Variants in STIM1 observed in about 807,000 individuals in gnomAD.
STIM1 encodes stromal interaction molecule 1.
In STIM1, 25 loss-of-function variants were observed where a neutral mutation model predicts 74.7. That is an observed-to-expected ratio of 0.33 (90% confidence interval 0.24 to 0.47). The LOEUF (loss-of-function observed/expected upper bound fraction) is 0.47, where lower values mean the gene tolerates loss of function less well. Ranked by LOEUF, STIM1 falls within the 20% of genes least tolerant of loss-of-function variation. The probability of loss-of-function intolerance (pLI) is 1.00; values close to 1 mark genes in which losing one functional copy is unlikely to be tolerated. For synonymous variants in STIM1, 328 were observed against 348.8 expected, an observed-to-expected ratio of 0.94 and a Z score of 0.66; for missense variants, 728 against 920.8, an observed-to-expected ratio of 0.79 and a Z score of 2.71.
At chr11:3,955,316 A>T (rs1468160828) in intron 1 of STIM1, among the ~76,000 whole-genome samples, 1 of 152,196 alleles carries the variant, frequency 6.6e-6, no homozygotes, top group Non-Finnish European at 1.5e-5. Context: ...ACAGGGATGT[A>T]TGTTTGTCCA....
chr11:4,084,555 A>T, intron 10 of STIM1, 118 bp from the exon 11 acceptor site: 1 of 718,386 alleles, frequency 1.4e-6, no homozygotes, highest in Non-Finnish European at 2.1e-6. Context: ...GAGGGACCTT[A>T]ATTAGCTCTG....
At chr11:3,866,381 C>T (rs942364514) in intron 1 of STIM1, among the ~76,000 whole-genome samples, 2 of 151,658 alleles carry the variant, frequency 1.3e-5, no homozygotes, top group African/African-American at 4.8e-5. Flanking sequence ...GCAGTGCTCT[C>T]TGTGCACTTC....
intron 7 of STIM1, 140 bp from the exon 8 acceptor site, chr11:4,082,044 A>T: frequency 1.0e-6 from 1 of 964,858 alleles, no homozygotes; most frequent in African/African-American, 1.6e-5. Flanking sequence ...TCTATATAAA[A>T]TACGGAAAAT....
intron 10 of STIM1, 156 bp downstream of exon 10, chr11:4,083,654 T>A: frequency 1.4e-6 from 1 of 720,994 alleles, no homozygotes; most frequent in Non-Finnish European, 2.4e-6. Context: ...TTACTCAGGT[T>A]ATTTCTTTAT....
chr11:3,993,527 A>G (rs951191738), intron 2 of STIM1, among the ~76,000 whole-genome samples: 1 of 152,118 alleles, frequency 6.6e-6, no homozygotes, highest in Non-Finnish European at 1.5e-5. Flanking sequence ...GTGGTGGCAT[A>G]TGCCTGTAAT....
intron 3 of STIM1, chr11:4,049,498 T>A (rs1441765568): frequency 6.6e-6 from 1 of 151,794 alleles, no homozygotes; most frequent in Admixed American, 6.6e-5. Context: ...CTAATTTTTT[T>A]TTTTATTTTT....
At chr11:4,058,051 T>G (rs2094304615) in intron 4 of STIM1, among the ~76,000 whole-genome samples, 1 of 152,180 alleles carries the variant, frequency 6.6e-6, no homozygotes, top group Non-Finnish European at 1.5e-5. Flanking sequence ...AGCATTCCAG[T>G]TCATAGGTTT....
intron 5 of STIM1, among the ~76,000 whole-genome samples, chr11:4,062,776 C>G (rs986911021): frequency 2.6e-5 from 4 of 151,986 alleles, no homozygotes; most frequent in Non-Finnish European, 4.4e-5. Context: ...TTTTTACCCA[C>G]TAGGATATAA....
At position 4,005,470 on chromosome 11, in the gene STIM1, T is replaced by C. The variant is rs528998943; in HGVS notation, c.271-18403T>C. On this transcript the variant is annotated intron_variant, in intron 2 of 12. Coordinates refer to ENST00000526596, the MANE Select transcript of STIM1 (RefSeq NM_001382567.1). ...TTGGAAATCATCATTCTCAGTAAAC[T>C]ATCGCAAGGACAAAAAACCAAACAC... Among the ~76,000 whole-genome samples the C allele has an allele frequency of 2.0e-5, 3 of 150,756 alleles. 1 individual carries two copies. In the South Asian group the frequency reaches 6.3e-4, roughly 31 times the overall value.
intron 2 of STIM1, among the ~76,000 whole-genome samples, chr11:3,978,340 G>A (rs1210668925): frequency 1.3e-5 from 2 of 150,914 alleles, no homozygotes; most frequent in African/African-American, 4.9e-5. Flanking sequence ...TAGAGACGGG[G>A]TTTCTCCATG....
At chr11:4,083,107 C>T (rs897792567) in intron 9 of STIM1, 125 bp downstream of exon 9, 41 of 1,178,828 alleles carry the variant, frequency 3.5e-5, no homozygotes, top group Non-Finnish European at 5.0e-5. Context: ...TCTCCTGCCT[C>T]AGCCTTTATT....
At chr11:3,938,138 A>G (rs192056961) in intron 1 of STIM1, among the ~76,000 whole-genome samples, 66 of 152,164 alleles carry the variant, frequency 4.3e-4, no homozygotes, top group Non-Finnish European at 7.5e-4. Context: ...GGGTTTTGCC[A>G]TGTTGGTCAG....
At chr11:3,934,319 G>A (rs1034241845) in intron 1 of STIM1, among the ~76,000 whole-genome samples, 5 of 151,946 alleles carry the variant, frequency 3.3e-5, no homozygotes, top group African/African-American at 1.2e-4. Context: ...CCCATCTTGT[G>A]TTCCAACTCT....
At chr11:3,976,945 G>C (rs59984032) in intron 2 of STIM1, among the ~76,000 whole-genome samples, 3,872 of 152,136 alleles carry the variant, frequency 0.025, 142 homozygotes, top group African/African-American at 0.083. Flanking sequence ...CAGGCGCGTA[G>C]TGCCACACCC....
At chr11:3,883,811 A>T (rs577798251) in intron 1 of STIM1, among the ~76,000 whole-genome samples, 1 of 152,352 alleles carries the variant, frequency 6.6e-6, no homozygotes, top group Admixed American at 6.5e-5. Flanking sequence ...TAGACTGAAG[A>T]CTTACTTGAT....
At chr11:4,073,785 G>A (rs2133181698) in intron 6 of STIM1, among the ~76,000 whole-genome samples, 1 of 152,268 alleles carries the variant, frequency 6.6e-6, no homozygotes, top group Middle Eastern at 3.4e-3. Flanking sequence ...CACTAAGGAA[G>A]ATACTTAGGA....
At chr11:3,879,900 A>G (rs931420103) in intron 1 of STIM1, among the ~76,000 whole-genome samples, 2 of 152,202 alleles carry the variant, frequency 1.3e-5, no homozygotes, top group Non-Finnish European at 2.9e-5. Context: ...TCTCAGTGGC[A>G]TCAGTGTTCT....
chr11:4,084,763 C>A lies in STIM1; in HGVS notation c.1565C>A (p.Pro522His). The change falls in exon 11 of 13, where the codon CCC becomes CAC. Residue 522 changes from proline to histidine, a missense_variant and splice_region_variant. This residue lies in a region of STIM1 where 352 missense variants were observed against 370.1 expected (regional missense o/e 0.95). Transcript: ENST00000526596. ...GSDDQSLWKY[P>H]APSLQSSVRQ... ...GATGATCAGTCCCTCTGGAAATACC[C>A]CGGTTTGAGGAGCCCCTTTGGGGCA... 1 of 1,289,372 alleles carries A rather than the reference C, an allele frequency of 7.8e-7. No homozygotes were observed. The highest frequency in any genetic ancestry group is 1.5e-5 in the African/African-American group (1 of 65,974). 79.9% of individuals were successfully genotyped at this position (1,289,372 alleles called of 1,614,324 possible).
chr11:3,895,683 CTTCT>C lies in STIM1; in HGVS notation c.139+39325_139+39328del, dbSNP rs1157478592. 3.9e-3 allele frequency among the ~76,000 whole-genome samples: 148 copies of C among 37,964 alleles called. 4 individuals are homozygous for C. Among genetic ancestry groups the C allele is most frequent in the Admixed American group, 8.8e-3 (32 of 3,646 alleles). 24.9% of individuals were successfully genotyped at this position (37,964 alleles called of 152,430 possible). On this transcript the variant is annotated intron_variant, in intron 1 of 12. Coordinates refer to ENST00000526596, the MANE Select transcript of STIM1 (RefSeq NM_001382567.1). ...CTTTCTTTCTTTCTTTCCTTCCTTC[CTTCT>C]TTCTTTCTTTCTTTCTTTCTTTCTT... is the stretch of plus-strand genomic sequence containing the variant.
Sources: allele counts gnomAD v4.1 joint callset (sites outside exome capture counted in the v4.1 genomes callset), GRCh38; gene constraint gnomAD v4.1.1; regional missense constraint gnomAD v4.1.1; transcripts MANE v1.5; gene names NCBI Gene and HGNC (gene_info 2026-07-23, HGNC 2026-07-21).